The following EDA variants were observed in gnomAD, a reference collection of about 807,000 sequenced individuals.
EDA encodes the protein ectodysplasin-A.
EDA carries 2 observed loss-of-function variants against 23.6 expected under a neutral mutation model. The ratio of observed to expected loss-of-function variants is 0.08; its 90% CI spans 0.03 to 0.27. The LOEUF (loss-of-function observed/expected upper bound fraction) is 0.27, where lower values mean the gene tolerates loss of function less well. Ranked by LOEUF, EDA falls within the 10% of genes least tolerant of loss-of-function variation. EDA has a pLI of 1.00. For synonymous variants in EDA, 131 were observed against 132.0 expected (o/e 0.99, Z 0.05); for missense variants, 229 against 324.2 (o/e 0.71, Z 2.26).
At chrX:69,888,910 A>G (rs2017870158) in intron 1 of EDA, among the ~76,000 whole-genome samples, 1 of 87,203 alleles carries the variant, frequency 1.1e-5, no homozygotes, top group Admixed American at 1.4e-4. Flanking sequence ...TATCTGTTCA[A>G]GTTCTTGCTT....
intron 2 of EDA, among the ~76,000 whole-genome samples, chrX:69,988,520 A>G (rs1345627461): frequency 9.0e-6 from 1 of 111,708 alleles, no homozygotes. Context: ...ATAAATATAT[A>G]CACCTACTGT....
chrX:69,676,501 T>TGC lies in EDA; in HGVS notation c.396+59806_396+59807dup, dbSNP rs1555980935. Among the ~76,000 whole-genome samples, 7 of 109,105 alleles carry TGC rather than the reference T, an allele frequency of 6.4e-5. No individual in the cohort carries two copies. In the East Asian group the frequency reaches 1.7e-3, roughly 27 times the overall value. 94.7% of individuals were successfully genotyped at this position (109,105 alleles called of 115,157 possible). A position where few individuals can be genotyped will look rare whatever the true frequency, so the allele number is the denominator to read the frequency against. On this transcript the variant is annotated intron_variant, in intron 1 of 7. Coordinates refer to ENST00000374552, the MANE Select transcript of EDA (RefSeq NM_001399.5). ...GAGTTTTTCTGTGTGTGTGTGTGTGTGCGCGCGCGCACGTGTGCTTGTGTG... is the reference window on the plus strand; with the variant it reads ...GAGTTTTTCTGTGTGTGTGTGTGTGTGCGCGCGCGCGCACGTGTGCTTGTGTG...
At chrX:69,617,047 G>A (rs963222211) in intron 1 of EDA, 8 of 391,849 alleles carry the variant, frequency 2.0e-5, no homozygotes, top group Non-Finnish European at 3.6e-5. Flanking sequence ...TGCTCGTGAT[G>A]AGGTTCTCTG....
At chrX:69,998,583 G>C (rs1286686158) in intron 2 of EDA, among the ~76,000 whole-genome samples, 1 of 111,874 alleles carries the variant, frequency 8.9e-6, no homozygotes, top group Non-Finnish European at 1.9e-5. Context: ...GAAATGTGAG[G>C]ACATGTGATA....
chrX:69,618,847 T>C (rs1339246119), intron 1 of EDA, among the ~76,000 whole-genome samples: 1 of 111,073 alleles, frequency 9.0e-6, no homozygotes, highest in Non-Finnish European at 1.9e-5. Flanking sequence ...TAGCCCAAAT[T>C]CAACTTGTTT....
At chrX:69,709,192 A>G (rs1298233780) in intron 1 of EDA, among the ~76,000 whole-genome samples, 3 of 111,999 alleles carry the variant, frequency 2.7e-5, no homozygotes, top group African/African-American at 9.7e-5. Context: ...GTTATTTTTC[A>G]TTGTGTATCT....
At chrX:69,865,411 A>T (rs756159724) in intron 1 of EDA, among the ~76,000 whole-genome samples, 10 of 110,881 alleles carry the variant, frequency 9.0e-5, no homozygotes, top group Non-Finnish European at 1.9e-4. Flanking sequence ...CCAAAACTGA[A>T]GAACTTGGAG....
intron 2 of EDA, among the ~76,000 whole-genome samples, chrX:69,973,042 G>C (rs2019270112): frequency 8.9e-6 from 1 of 111,740 alleles, no homozygotes; most frequent in Admixed American, 9.6e-5. Flanking sequence ...ACTCCTAGAG[G>C]TTGTTCTTAA....
chrX:70,030,614 C>A, intron 6 of EDA, 94 bp downstream of exon 6: 1 of 816,969 alleles, frequency 1.2e-6, no homozygotes, highest in South Asian at 2.2e-5. Flanking sequence ...TCCTCCCAGG[C>A]CGCTGAGGTA....
chrX:69,845,528 G>A (rs945075075), intron 1 of EDA, among the ~76,000 whole-genome samples: 4 of 112,205 alleles, frequency 3.6e-5, no homozygotes, highest in African/African-American at 1.3e-4. Flanking sequence ...TTTCGCCAGG[G>A]TTAATAGGTC....
intron 1 of EDA, among the ~76,000 whole-genome samples, chrX:69,922,049 A>C (rs1393672601): frequency 8.9e-6 from 1 of 111,923 alleles, no homozygotes; most frequent in Non-Finnish European, 1.9e-5. Flanking sequence ...TAAATAGGAT[A>C]GTGAAGTGTA....
At chrX:69,947,817 A>G (rs895065853) in intron 1 of EDA, among the ~76,000 whole-genome samples, 1 of 112,423 alleles carries the variant, frequency 8.9e-6, no homozygotes, top group Non-Finnish European at 1.9e-5. Flanking sequence ...TTTTCCATTG[A>G]TGAGGATCAA....
chrX:69,994,376 T>C (rs2019628408), intron 2 of EDA, among the ~76,000 whole-genome samples: 1 of 112,076 alleles, frequency 8.9e-6, no homozygotes, highest in African/African-American at 3.2e-5. Context: ...TTCTCTATAA[T>C]CATTTCTGTT....
At chrX:69,831,223 C>G (rs1231413631) in intron 1 of EDA, among the ~76,000 whole-genome samples, 2 of 111,424 alleles carry the variant, frequency 1.8e-5, no homozygotes, top group African/African-American at 6.5e-5. Flanking sequence ...CAGCCCCTTA[C>G]CCCACAACAG....
intron 2 of EDA, among the ~76,000 whole-genome samples, chrX:69,991,809 G>A (rs2019592528): frequency 8.9e-6 from 1 of 112,112 alleles, no homozygotes; most frequent in African/African-American, 3.2e-5. Context: ...GTAAATGTCT[G>A]TTGGCAGACG....
chrX:69,654,442 AC>A (rs992347844), intron 1 of EDA, among the ~76,000 whole-genome samples: 10 of 111,490 alleles, frequency 9.0e-5, no homozygotes, highest in Non-Finnish European at 1.9e-4. Context: ...CCATCCCATT[AC>A]TGGGTATATA....
At chrX:69,881,003 A>G (rs751087279) in intron 1 of EDA, among the ~76,000 whole-genome samples, 12 of 110,994 alleles carry the variant, frequency 1.1e-4, no homozygotes, top group Admixed American at 2.9e-4. Flanking sequence ...CCATGTAGAA[A>G]CTTTAACTTC....
chrX:70,028,410 C>A (rs765072561), intron 4 of EDA, among the ~76,000 whole-genome samples: 18 of 112,149 alleles, frequency 1.6e-4, no homozygotes, highest in Non-Finnish European at 3.0e-4. Context: ...TTCTGTGATT[C>A]CCAGCATCTA....
At chrX:69,867,382 T>C in intron 1 of EDA, among the ~76,000 whole-genome samples, 1 of 112,244 alleles carries the variant, frequency 8.9e-6, no homozygotes, top group Non-Finnish European at 1.9e-5. Flanking sequence ...CTTCATAGTT[T>C]TTGACCACTC....
Sources: allele counts gnomAD v4.1 joint callset (sites outside exome capture counted in the v4.1 genomes callset), GRCh38; gene constraint gnomAD v4.1.1; transcripts MANE v1.5; gene names NCBI Gene and HGNC (gene_info 2026-07-23, HGNC 2026-07-21).